The following NRXN3 variants were observed in gnomAD, a reference collection of about 807,000 sequenced individuals.
NRXN3 encodes neurexin III.
Under a neutral mutation model 137.6 loss-of-function variants are expected in NRXN3, and 32 were observed. The ratio of observed to expected loss-of-function variants is 0.23; its 90% CI spans 0.18 to 0.31. The LOEUF (loss-of-function observed/expected upper bound fraction) is 0.31. NRXN3 is among the 10% of genes least tolerant of loss of function. The pLI is 1.00. For synonymous variants in NRXN3, 798 were observed against 784.5 expected, an observed-to-expected ratio of 1.02 and a Z score of -0.29; for missense variants, 1,574 against 2,062.5, an observed-to-expected ratio of 0.76 and a Z score of 4.59.
chr14:79,022,778 G>C (rs2099591766), intron 15 of NRXN3, among the ~76,000 whole-genome samples: 1 of 152,148 alleles, frequency 6.6e-6, no homozygotes, highest in South Asian at 2.1e-4. Context: ...GTTAAAAGGT[G>C]ATTAATCTTC....
intron 4 of NRXN3, among the ~76,000 whole-genome samples, chr14:78,381,682 A>G (rs1479113884): frequency 6.6e-6 from 1 of 152,204 alleles, no homozygotes; most frequent in Non-Finnish European, 1.5e-5. Context: ...GATAACCCAG[A>G]TATCCATCAA....
At chr14:79,215,506 G>A (rs189068483) in intron 15 of NRXN3, among the ~76,000 whole-genome samples, 2 of 152,232 alleles carry the variant, frequency 1.3e-5, no homozygotes, top group African/African-American at 4.8e-5. Flanking sequence ...ATGTGGCTGG[G>A]GAAGCCTCAC....
intron 15 of NRXN3, among the ~76,000 whole-genome samples, chr14:79,011,146 A>C (rs1342390401): frequency 6.6e-6 from 1 of 152,122 alleles, no homozygotes; most frequent in African/African-American, 2.4e-5. Context: ...TAATAAAAGG[A>C]GTTGTTGTTT....
At chr14:79,857,408 G>C (rs11850696) in intron 20 of NRXN3, among the ~76,000 whole-genome samples, 2,445 of 152,126 alleles carry the variant, frequency 0.016, 53 homozygotes, top group African/African-American at 0.056. Flanking sequence ...ATTTTTAGTA[G>C]AGATGGGGTT....
At chr14:78,954,907 A>G (rs989673607) in intron 10 of NRXN3, among the ~76,000 whole-genome samples, 1 of 151,650 alleles carries the variant, frequency 6.6e-6, no homozygotes, top group Non-Finnish European at 1.5e-5. Flanking sequence ...GAGCTGATGG[A>G]CCTCCAAACG....
At chr14:78,869,394 C>T (rs373793524) in intron 10 of NRXN3, among the ~76,000 whole-genome samples, 3 of 152,188 alleles carry the variant, frequency 2.0e-5, no homozygotes, top group African/African-American at 7.2e-5. Flanking sequence ...TTATTTAAAA[C>T]CTTAAATCTA....
At chr14:78,528,722 A>G (rs959751897) in intron 4 of NRXN3, among the ~76,000 whole-genome samples, 1 of 152,102 alleles carries the variant, frequency 6.6e-6, no homozygotes, top group Non-Finnish European at 1.5e-5. Flanking sequence ...CTTTTTTCAG[A>G]ATGAGGTGAG....
At position 78,450,914 on chromosome 14, in the gene NRXN3, T is replaced by G. The variant is rs537007171; in HGVS notation, c.757+153054T>G. Among the ~76,000 whole-genome samples, 422 of 149,960 alleles carry G rather than the reference T, an allele frequency of 2.8e-3. 2 individuals are homozygous for G. Among genetic ancestry groups the G allele is most frequent in the Non-Finnish European group, 3.9e-3 (260 of 67,284 alleles). On this transcript the variant is annotated intron_variant, in intron 4 of 20. Transcript: ENST00000335750. The stretch of plus-strand genomic sequence containing the variant: ...GGGCTTTAGATGACGGTGTTTGGGG[T>G]GTGTGTGTGTGTGTGTGAGTGTGAA...
intron 4 of NRXN3, among the ~76,000 whole-genome samples, chr14:78,351,782 C>CTTTTTTTTTTTTTTTTTT (rs11423743): frequency 7.8e-6 from 1 of 127,868 alleles, no homozygotes; most frequent in Non-Finnish European, 1.6e-5. Context: ...TGGTATTTTT[C>CTTTTTTTTTTTTTTTTTT]TTTTTTTTTT....
intron 6 of NRXN3, among the ~76,000 whole-genome samples, chr14:78,696,829 C>A (rs1051767783): frequency 6.6e-6 from 1 of 152,056 alleles, no homozygotes; most frequent in Non-Finnish European, 1.5e-5. Flanking sequence ...CAATGACCAA[C>A]CCATAGGAAG....
At chr14:79,626,743 A>G (rs1405043422) in intron 16 of NRXN3, among the ~76,000 whole-genome samples, 1 of 152,216 alleles carries the variant, frequency 6.6e-6, no homozygotes, top group Admixed American at 6.5e-5. Context: ...GGGTTTACAA[A>G]TTCAAGATTT....
intron 4 of NRXN3, among the ~76,000 whole-genome samples, chr14:78,496,076 A>G (rs2095778390): frequency 6.6e-6 from 1 of 152,214 alleles, no homozygotes; most frequent in Non-Finnish European, 1.5e-5. Context: ...TGGAGGGACA[A>G]GATACTAATA....
At chr14:79,609,153 G>A (rs559066191) in intron 16 of NRXN3, among the ~76,000 whole-genome samples, 65 of 152,064 alleles carry the variant, frequency 4.3e-4, no homozygotes, top group African/African-American at 1.3e-3. Flanking sequence ...GTGAGTTCGC[G>A]TGAGAAAGTG....
intron 15 of NRXN3, among the ~76,000 whole-genome samples, chr14:79,310,160 GT>G (rs1290537664): frequency 1.1e-5 from 1 of 89,932 alleles, no homozygotes; most frequent in East Asian, 3.5e-4. Context: ...TGGCTAGCCA[GT>G]TTTCCCAGCA....
chr14:79,670,042 G>A (rs957849067), intron 17 of NRXN3, among the ~76,000 whole-genome samples: 1 of 151,928 alleles, frequency 6.6e-6, no homozygotes, highest in Non-Finnish European at 1.5e-5. Flanking sequence ...CTGGTATGAC[G>A]GAGATTCTGA....
At chr14:79,509,730 A>T (rs1343056666) in intron 16 of NRXN3, among the ~76,000 whole-genome samples, 1 of 152,022 alleles carries the variant, frequency 6.6e-6, no homozygotes, top group Non-Finnish European at 1.5e-5. Context: ...AAATCACATC[A>T]TACTCCGTAA....
At chr14:79,011,372 C>G (rs1434505598) in intron 15 of NRXN3, among the ~76,000 whole-genome samples, 2 of 109,702 alleles carry the variant, frequency 1.8e-5, no homozygotes, top group African/African-American at 3.8e-5. Flanking sequence ...CCCGCCCCCC[C>G]ACCTCCCCCC....
chr14:78,906,528 T>C (rs2099217252), intron 10 of NRXN3, among the ~76,000 whole-genome samples: 1 of 152,112 alleles, frequency 6.6e-6, no homozygotes, highest in Non-Finnish European at 1.5e-5. Context: ...TACTATTTTG[T>C]GGCACTTATT....
chr14:79,264,587 G>A (rs1214272520), intron 15 of NRXN3, among the ~76,000 whole-genome samples: 1 of 151,480 alleles, frequency 6.6e-6, no homozygotes, highest in Non-Finnish European at 1.5e-5. Flanking sequence ...CCCAAACTCC[G>A]AGTGTTTCTT....
Sources: allele counts gnomAD v4.1 joint callset (sites outside exome capture counted in the v4.1 genomes callset), GRCh38; gene constraint gnomAD v4.1.1; transcripts MANE v1.5; gene names NCBI Gene and HGNC (gene_info 2026-07-23, HGNC 2026-07-21).